CACNA1E: variants seen among roughly 807,000 people sequenced by gnomAD.
The protein encoded by CACNA1E is calcium voltage-gated channel subunit alpha1 E.
CACNA1E carries 40 observed loss-of-function variants against 259.2 expected under a neutral mutation model. That is an observed-to-expected ratio of 0.15 (90% CI 0.12 to 0.20). CACNA1E has a LOEUF of 0.20. CACNA1E is among the 10% of genes least tolerant of loss of function. The probability of loss-of-function intolerance (pLI) is 1.00; values close to 1 mark genes in which losing one functional copy is unlikely to be tolerated. For missense variants in CACNA1E, 1,874 were observed against 3,040.1 expected (o/e 0.62, Z 9.02); for synonymous variants, 1,104 against 1,138.5 (o/e 0.97, Z 0.61).
At chr1:181,564,909 G>T (rs913629874) in intron 3 of CACNA1E, among the ~76,000 whole-genome samples, 6 of 150,984 alleles carry the variant, frequency 4.0e-5, no homozygotes, top group African/African-American at 1.5e-4. Context: ...TTCTGAGCAG[G>T]TCTCAACAGT....
chr1:181,594,460 G>A (rs938426031), intron 6 of CACNA1E, among the ~76,000 whole-genome samples: 26 of 152,186 alleles, frequency 1.7e-4, no homozygotes, highest in African/African-American at 1.9e-4. Context: ...GTGCAGTGGC[G>A]TGATCTTGGC....
intron 1 of CACNA1E, among the ~76,000 whole-genome samples, chr1:181,326,152 A>G (rs1198796746): frequency 6.6e-6 from 1 of 152,202 alleles, no homozygotes; most frequent in Non-Finnish European, 1.5e-5. Context: ...CCCAGAAACT[A>G]GTTATATTGT....
At chr1:181,390,830 T>C (rs1257925511) in intron 1 of CACNA1E, among the ~76,000 whole-genome samples, 1 of 152,134 alleles carries the variant, frequency 6.6e-6, no homozygotes, top group Non-Finnish European at 1.5e-5. Flanking sequence ...ACTATGTAAT[T>C]ATAGTGTGTC....
chr1:181,483,843 G>A lies in CACNA1E; in HGVS notation c.99G>A (p.Ser33=), dbSNP rs769667152. ...GGCAAGGAACCCCCGTGCCGGCCTC[G>A]GGGCAGGCGGCCGCCTACAAGCAGA... ...RNRQGTPVPA[S]GQAAAYKQTK... The change falls in exon 1 of 48, where the codon TCG becomes TCA. Residue 33 remains serine, a synonymous_variant. Coordinates refer to ENST00000367573, the MANE Select transcript of CACNA1E (RefSeq NM_001205293.3). 1.9e-5 allele frequency: 30 copies of A among 1,613,530 alleles called. No homozygotes were observed. The highest frequency in any genetic ancestry group is 2.1e-5 in the Non-Finnish European group (25 of 1,179,798).
At position 181,763,403 on chromosome 1, in the gene CACNA1E, C is replaced by A. The variant is rs1658759367; in HGVS notation, c.4690-3C>A. On this transcript the variant is annotated splice_region_variant and splice_polypyrimidine_tract_variant and intron_variant, in intron 33 of 47. Coordinates refer to ENST00000367573, the MANE Select transcript of CACNA1E (RefSeq NM_001205293.3). ...AATTATATGTTTCCTTTTGGTCCAC[C>A]AGCTGGTGAACACCAGTGGCTTCAA... The A allele has an allele frequency of 6.4e-7, 1 of 1,573,456 alleles. No homozygotes were observed. The highest frequency in any genetic ancestry group is 1.4e-5 in the African/African-American group (1 of 73,586).
intron 16 of CACNA1E, among the ~76,000 whole-genome samples, 153 bp from the exon 17 acceptor site, chr1:181,724,317 C>T (rs536788084): frequency 6.6e-6 from 1 of 152,240 alleles, no homozygotes; most frequent in South Asian, 2.1e-4. Flanking sequence ...ACAACATCTC[C>T]CTCTCTGTTC....
Position 181,561,963 on chromosome 1 carries a change from G to T in CACNA1E, c.513-15803G>T, listed in dbSNP as rs1200966662. ...TAATAAGTGTGTAGTAATAACTATTGTGGTTTTAATTTGCATTTCTCTAAT... is the reference window on the plus strand; with the variant it reads ...TAATAAGTGTGTAGTAATAACTATTTTGGTTTTAATTTGCATTTCTCTAAT... On this transcript the variant is annotated intron_variant, in intron 3 of 47. Transcript: ENST00000367573. Among the ~76,000 whole-genome samples, 4 of 152,078 alleles carry T rather than the reference G, an allele frequency of 2.6e-5. No homozygotes were observed. The East Asian group carries it at 7.7e-4, about 29-fold the overall frequency.
chr1:181,697,985 G>T (rs879897676), intron 7 of CACNA1E, among the ~76,000 whole-genome samples: 1 of 152,200 alleles, frequency 6.6e-6, no homozygotes, highest in Non-Finnish European at 1.5e-5. Flanking sequence ...TTCCACCCTC[G>T]TGCATGTCTC....
chr1:181,736,573 G>A lies in CACNA1E; in HGVS notation c.3422+139G>A, dbSNP rs571451596. 9 of 778,890 alleles carry A rather than the reference G, an allele frequency of 1.2e-5. No homozygotes were observed. In the East Asian group the frequency reaches 2.5e-4, roughly 21 times the overall value. The allele number at this position is 778,890 out of a possible 1,614,324, so 48.2% of individuals were successfully genotyped here. ...TCCTGGTGGAGCATGGCCAGACATT[G>A]AGCATCTGGGGTGCCCCCTAAGTGA... On this transcript the variant is annotated intron_variant, in intron 22 of 47. Coordinates refer to ENST00000367573, the MANE Select transcript of CACNA1E (RefSeq NM_001205293.3).
At chr1:181,545,495 C>T (rs1476594547) in intron 3 of CACNA1E, among the ~76,000 whole-genome samples, 1 of 152,104 alleles carries the variant, frequency 6.6e-6, no homozygotes, top group African/African-American at 2.4e-5. Flanking sequence ...GTGCTCCCAG[C>T]TTGGAATCCC....
chr1:181,698,476 G>T (rs1487970313), intron 7 of CACNA1E, among the ~76,000 whole-genome samples: 1 of 152,188 alleles, frequency 6.6e-6, no homozygotes, highest in Non-Finnish European at 1.5e-5. Flanking sequence ...TTAGGAAATT[G>T]AACTTCAGAA....
chr1:181,764,305 G>A (rs1658841782), intron 34 of CACNA1E, among the ~76,000 whole-genome samples: 1 of 152,126 alleles, frequency 6.6e-6, no homozygotes. Flanking sequence ...TTGTTCAAAT[G>A]CCTGTTCTTA....
At chr1:181,754,066 CT>C (rs541985050) in intron 27 of CACNA1E, among the ~76,000 whole-genome samples, 3 of 152,206 alleles carry the variant, frequency 2.0e-5, no homozygotes, top group Non-Finnish European at 4.4e-5. Flanking sequence ...TGGGTTCTGC[CT>C]CACACACAGA....
chr1:181,783,787 AAGCTT>A lies in CACNA1E; in HGVS notation c.5470+11_5470+15del, dbSNP rs3830692. On this transcript the variant is annotated splice_donor_5th_base_variant and intron_variant, in intron 40 of 47. Coordinates refer to ENST00000367573, the MANE Select transcript of CACNA1E (RefSeq NM_001205293.3). ...TCTGGACATTAAAATTGCCAAAGGT[AAGCTT>A]AGCTTAGGAAGGGAGGTGGGAAGGA... 1,217,089 of 1,578,778 alleles carry A rather than the reference AAGCTT, an allele frequency of 0.77. 472,037 individuals are homozygous for A. The highest frequency in any genetic ancestry group is 0.86 in the East Asian group (38,176 of 44,644).
chr1:181,604,005 C>T (rs1466614892), intron 6 of CACNA1E, among the ~76,000 whole-genome samples: 2 of 152,204 alleles, frequency 1.3e-5, no homozygotes, highest in African/African-American at 2.4e-5. Flanking sequence ...GTACCTTGCC[C>T]TTCCCTGTGG....
At chr1:181,373,803 G>A (rs982080811) in intron 1 of CACNA1E, among the ~76,000 whole-genome samples, 1 of 152,144 alleles carries the variant, frequency 6.6e-6, no homozygotes, top group Admixed American at 6.5e-5. Context: ...GGGATTACAG[G>A]CATGGACCAC....
rs1649715111 is a variant in CACNA1E, at chr1:181,565,365, T to C, written c.513-12401T>C. On this transcript the variant is annotated intron_variant, in intron 3 of 47. Transcript: ENST00000367573. ...AATAGGGCTCCAGGTCCACCAGAATTATTTCCTCTTTTCATTCCCTCTTGG... is the reference window on the plus strand; with the variant it reads ...AATAGGGCTCCAGGTCCACCAGAATCATTTCCTCTTTTCATTCCCTCTTGG... Among the ~76,000 whole-genome samples the C allele has an allele frequency of 2.0e-5, 3 of 152,208 alleles. No individual in the cohort carries two copies. In the South Asian group the frequency reaches 6.2e-4, roughly 32 times the overall value.
In CACNA1E at chr1:181,785,612, A is replaced by G. The variant is rs1222502079; in HGVS notation, c.5680-101A>G. ...GAAGGTTAAAATGGTCAAACAAGGG[A>G]TAAGTTATGTGCCTGTATTATCCAT... On this transcript the variant is annotated intron_variant, in intron 42 of 47. Transcript: ENST00000367573. 6.5e-6 allele frequency: 6 copies of G among 926,860 alleles called. No homozygotes were observed. The African/African-American group carries it at 6.6e-5, about 10-fold the overall frequency. The allele number at this position is 926,860 out of a possible 1,614,324, so 57.4% of individuals were successfully genotyped here. A position where few individuals can be genotyped will look rare whatever the true frequency, so the allele number is the denominator to read the frequency against.
At chr1:181,504,352 C>T (rs1665527097) in intron 1 of CACNA1E, among the ~76,000 whole-genome samples, 1 of 152,180 alleles carries the variant, frequency 6.6e-6, no homozygotes, top group Non-Finnish European at 1.5e-5. Context: ...CTGCATTAGG[C>T]TGAAGTTGGG....
Sources: allele counts gnomAD v4.1 joint callset (sites outside exome capture counted in the v4.1 genomes callset), GRCh38; gene constraint gnomAD v4.1.1; transcripts MANE v1.5; gene names NCBI Gene and HGNC (gene_info 2026-07-23, HGNC 2026-07-21).